Variants in HEATR4 observed in about 807,000 individuals in gnomAD.
HEATR4 encodes the protein HEAT repeat containing 4, also known as HEAT repeat-containing protein 4.
A neutral mutation model predicts 108.8 loss-of-function variants in HEATR4; 95 were observed. That is an observed-to-expected ratio of 0.87 (90% confidence interval 0.74 to 1.04). The LOEUF is 1.04. Ranked by LOEUF, HEATR4 falls within the 50% of genes least tolerant of loss-of-function variation. The pLI, the probability that HEATR4 is intolerant of heterozygous loss-of-function variation, is 0.00. For missense variants in HEATR4, 1,152 were observed against 1,253.8 expected, an observed-to-expected ratio of 0.92 and a Z score of 1.23; for synonymous variants, 443 against 459.4, an observed-to-expected ratio of 0.96 and a Z score of 0.46.
At chr14:73,610,004 G>T in the HEATR4 span, among the ~76,000 whole-genome samples, 2 of 151,500 alleles carry the variant, frequency 1.3e-5, no homozygotes, top group African/African-American at 4.9e-5. Context: ...AGGAGTGTGT[G>T]CCACTGCCAA....
the HEATR4 span, chr14:73,612,851 G>T: frequency 2.1e-6 from 3 of 1,418,706 alleles, no homozygotes; most frequent in South Asian, 4.0e-5. Flanking sequence ...GGTGCGGCTG[G>T]TGAAGCGCGA....
intron 2 of HEATR4, among the ~76,000 whole-genome samples, 166 bp downstream of exon 2, chr14:73,530,000 G>C (rs942036554): frequency 7.1e-6 from 1 of 140,480 alleles, no homozygotes; most frequent in African/African-American, 2.6e-5. Context: ...GCCTCACTCT[G>C]TCACCCAAGC....
chr14:73,530,794 ATTT>A (rs59208614), intron 1 of HEATR4, among the ~76,000 whole-genome samples: 623 of 56,912 alleles, frequency 0.011, 4 homozygotes, highest in East Asian at 0.018. Flanking sequence ...TCTCGGTTAA[ATTT>A]TTTTTTTTTT....
At chr14:73,565,689 G>A in the HEATR4 span, among the ~76,000 whole-genome samples, 1 of 152,010 alleles carries the variant, frequency 6.6e-6, no homozygotes, top group Non-Finnish European at 1.5e-5. Flanking sequence ...TTAAGGCGGC[G>A]TGTCTGGAGT....
chr14:73,596,891 G>A, the HEATR4 span, among the ~76,000 whole-genome samples: 16 of 152,040 alleles, frequency 1.1e-4, no homozygotes, highest in African/African-American at 3.1e-4. Context: ...GAGCCACCGC[G>A]CCCAGCTTAC....
At chr14:73,598,812 A>C in the HEATR4 span, among the ~76,000 whole-genome samples, 1 of 151,810 alleles carries the variant, frequency 6.6e-6, no homozygotes, top group Non-Finnish European at 1.5e-5. Context: ...AGACCAGCCT[A>C]ACCAACATGG....
intron 1 of HEATR4, among the ~76,000 whole-genome samples, chr14:73,550,507 G>A (rs1595161292): frequency 8.8e-6 from 1 of 113,958 alleles, no homozygotes; most frequent in African/African-American, 2.9e-5. Context: ...TACTGTGCAT[G>A]TGCACACAGA....
intron 1 of HEATR4, among the ~76,000 whole-genome samples, chr14:73,533,362 C>T (rs567023159): frequency 8.7e-6 from 1 of 115,500 alleles, no homozygotes; most frequent in African/African-American, 2.8e-5. Context: ...ATACATACAA[C>T]AGAATGTTAT....
rs1402628080 is a variant in HEATR4 at position 73,478,564 on chromosome 14, G to C, written c.*42C>G. On this transcript the variant is annotated 3_prime_UTR_variant, in exon 18 of 18. Coordinates refer to ENST00000553558, the MANE Select transcript of HEATR4 (RefSeq NM_001220484.1). ...AATTAAAAAGACCCAATGTGACCAG[G>C]TCCACTGCTTCCTGCATCTTGAAGT... is the stretch of plus-strand genomic sequence containing the variant. 7.6e-7 allele frequency: 1 copy of C among 1,319,024 alleles called. No homozygotes were observed. Among genetic ancestry groups the C allele is most frequent in the Admixed American group, 1.8e-5 (1 of 56,802 alleles). The allele number at this position is 1,319,024 out of a possible 1,614,324, so 81.7% of individuals were successfully genotyped here. A position where few individuals can be genotyped will look rare whatever the true frequency, so the allele number is the denominator to read the frequency against.
chr14:73,622,300 C>A, the HEATR4 span, among the ~76,000 whole-genome samples: 1 of 152,098 alleles, frequency 6.6e-6, no homozygotes, highest in Non-Finnish European at 1.5e-5. Context: ...AGCCCTAGAC[C>A]TCGATTTCTT....
chr14:73,573,660 A>G, the HEATR4 span: 1 of 1,573,350 alleles, frequency 6.4e-7, no homozygotes, highest in Middle Eastern at 1.7e-4. Context: ...GGGTTTTCAC[A>G]GAAGTTAGCT....
rs1888055905 is a variant in HEATR4 at position 73,522,779 on chromosome 14, G to C, written c.374C>G (p.Ser125Ter). ...KPVSFKFLGS[S>*]SPLTGDTSLA... ...GGAGGTGTCTCCTGTTAAGGGACTT[G>C]AGGAACCCAGGAACTTGAAGCTAAC... Residue 125 changes from serine (S) to a stop codon, truncating the protein, a stop_gained, in exon 3 of 18, where the codon TCA becomes TGA. Transcript: ENST00000553558. LOFTEE classifies it high-confidence loss of function. 1.2e-6 allele frequency: 2 copies of C among 1,614,072 alleles called. No homozygotes were observed. Among genetic ancestry groups the C allele is most frequent in the South Asian group, 2.2e-5 (2 of 91,082 alleles).
rs1407527124 is a variant in HEATR4, at chr14:73,508,161, G to A, written c.1854C>T (p.Ile618=). 14 of 1,614,002 alleles carry A rather than the reference G, an allele frequency of 8.7e-6. No homozygotes were observed. The highest frequency in any genetic ancestry group is 1.3e-5 in the African/African-American group (1 of 74,936). The change falls in exon 9 of 18, where the codon ATC becomes ATT. Residue 618 remains isoleucine (I), a synonymous_variant. Coordinates refer to ENST00000553558, the MANE Select transcript of HEATR4 (RefSeq NM_001220484.1). ...KNEDTEEQSY[I]LLSYLSEKTT... ...TCTTCTCACTCAGATAGCTCAGGAGGATATAAGACTGTTCCTCAGTGTCCT... is the reference window on the plus strand; with the variant it reads ...TCTTCTCACTCAGATAGCTCAGGAGAATATAAGACTGTTCCTCAGTGTCCT...
At chr14:73,629,505 C>T in the HEATR4 span, among the ~76,000 whole-genome samples, 1 of 152,190 alleles carries the variant, frequency 6.6e-6, no homozygotes, top group Non-Finnish European at 1.5e-5. Context: ...AAGCCCATGC[C>T]TTCACTGACC....
chr14:73,619,942 C>G, the HEATR4 span: 1 of 1,240,818 alleles, frequency 8.1e-7, no homozygotes. Flanking sequence ...TTTCCTGTAT[C>G]ACTCTGTCAC....
At chr14:73,572,639 ATTTTTTTTTTTTT>A in the HEATR4 span, among the ~76,000 whole-genome samples, 2 of 107,176 alleles carry the variant, frequency 1.9e-5, no homozygotes. Flanking sequence ...AGGTGTTTGC[ATTTTTTTTTTTTT>A]TTTTTTTTTT....
chr14:73,609,199 T>G, the HEATR4 span, among the ~76,000 whole-genome samples: 9 of 152,140 alleles, frequency 5.9e-5, no homozygotes, highest in African/African-American at 2.2e-4. Flanking sequence ...AATTGGCTGG[T>G]GAATACCAAT....
chr14:73,598,915 A>G, the HEATR4 span, among the ~76,000 whole-genome samples: 1 of 152,066 alleles, frequency 6.6e-6, no homozygotes, highest in African/African-American at 2.4e-5. Flanking sequence ...GAGGCAGGAG[A>G]ATCTCCCAAA....
the HEATR4 span, chr14:73,568,157 G>C: frequency 6.6e-6 from 1 of 152,058 alleles, no homozygotes; most frequent in Non-Finnish European, 1.5e-5. Flanking sequence ...GGAATTGTAT[G>C]ATTAATGACG....
Sources: gnomAD v4.1 joint callset for allele counts (sites outside exome capture counted in the v4.1 genomes callset) on GRCh38, gnomAD v4.1.1 for gene constraint, MANE v1.5 for transcripts, NCBI Gene and HGNC (gene_info 2026-07-23, HGNC 2026-07-21) for gene names.